Variants in C8orf34 observed in about 807,000 individuals in gnomAD.
The protein encoded by C8orf34 is chromosome 8 open reading frame 34.
A neutral mutation model predicts 68.3 loss-of-function variants in C8orf34; 65 were observed. The observed-to-expected ratio is 0.95, with a 90% CI of 0.78 to 1.17. The LOEUF is 1.17. C8orf34 is among the 50% of genes most tolerant of loss of function. The probability of loss-of-function intolerance (pLI) is 0.00; values close to 1 mark genes in which losing one functional copy is unlikely to be tolerated. For synonymous variants in C8orf34, 244 were observed against 241.2 expected, an observed-to-expected ratio of 1.01 and a Z score of -0.11; for missense variants, 664 against 655.4, an observed-to-expected ratio of 1.01 and a Z score of -0.14.
chr8:68,677,365 T>C (rs945258231), intron 8 of C8orf34, among the ~76,000 whole-genome samples: 1 of 152,094 alleles, frequency 6.6e-6, no homozygotes, highest in Non-Finnish European at 1.5e-5. Flanking sequence ...GCATCTTTTT[T>C]TTTCTTTTTT....
intron 3 of C8orf34, among the ~76,000 whole-genome samples, chr8:68,453,131 T>A (rs77678942): frequency 0.048 from 7,256 of 152,088 alleles, 240 homozygotes; most frequent in African/African-American, 0.084. Flanking sequence ...TATATGTTTA[T>A]CCTTTTGTGA....
intron 10 of C8orf34, among the ~76,000 whole-genome samples, chr8:68,757,120 C>T (rs1308823744): frequency 1.3e-5 from 2 of 152,092 alleles, no homozygotes; most frequent in African/African-American, 4.8e-5. Flanking sequence ...TCTTGCTGTG[C>T]AACTGAGAAA....
At chr8:68,524,342 T>C (rs151125554) in intron 6 of C8orf34, among the ~76,000 whole-genome samples, 363 of 152,262 alleles carry the variant, frequency 2.4e-3, no homozygotes, top group African/African-American at 7.8e-3. Context: ...AAATATGACA[T>C]TGTATGAAGA....
chr8:68,449,704 A>C (rs1811266397), intron 3 of C8orf34, among the ~76,000 whole-genome samples: 1 of 152,140 alleles, frequency 6.6e-6, no homozygotes, highest in Non-Finnish European at 1.5e-5. Context: ...TTTATTGCCA[A>C]AGATTCGAAC....
chr8:68,378,357 C>A (rs1287731927), intron 1 of C8orf34, among the ~76,000 whole-genome samples: 1 of 152,014 alleles, frequency 6.6e-6, no homozygotes, highest in Non-Finnish European at 1.5e-5. Context: ...AGTCTCACTC[C>A]AGATTGGAGT....
At chr8:68,548,964 C>G (rs1356932329) in intron 7 of C8orf34, among the ~76,000 whole-genome samples, 1 of 151,754 alleles carries the variant, frequency 6.6e-6, no homozygotes, top group Non-Finnish European at 1.5e-5. Context: ...GGAGACAGGG[C>G]TTTTAGGAGG....
intron 7 of C8orf34, among the ~76,000 whole-genome samples, chr8:68,550,773 G>GT (rs905138061): frequency 2.8e-4 from 41 of 145,266 alleles, no homozygotes; most frequent in East Asian, 4.0e-4. Context: ...GTGTTTTTGT[G>GT]TTTTTTTTTT....
chr8:68,696,319 T>C (rs1585743369), intron 8 of C8orf34, among the ~76,000 whole-genome samples: 1 of 148,056 alleles, frequency 6.8e-6, no homozygotes, highest in East Asian at 2.0e-4. Flanking sequence ...TATCATACAA[T>C]CAAAACACAT....
At chr8:68,508,235 T>G (rs1814109645) in intron 5 of C8orf34, among the ~76,000 whole-genome samples, 3 of 152,186 alleles carry the variant, frequency 2.0e-5, no homozygotes, top group Admixed American at 2.0e-4. Context: ...TTGCAATACT[T>G]CTCCTTCTTG....
intron 12 of C8orf34, among the ~76,000 whole-genome samples, chr8:68,790,308 G>A (rs1484143815): frequency 5.9e-5 from 9 of 152,138 alleles, no homozygotes; most frequent in African/African-American, 1.7e-4. Flanking sequence ...AGAATTTACA[G>A]GCTCATATCC....
At chr8:68,562,626 A>G (rs968045068) in intron 7 of C8orf34, among the ~76,000 whole-genome samples, 10 of 152,324 alleles carry the variant, frequency 6.6e-5, no homozygotes, top group African/African-American at 2.4e-4. Context: ...ATACATTGTA[A>G]GCAATTTTGT....
intron 10 of C8orf34, among the ~76,000 whole-genome samples, chr8:68,738,104 C>T (rs774474746): frequency 5.3e-5 from 8 of 151,990 alleles, no homozygotes; most frequent in South Asian, 2.1e-4. Flanking sequence ...TCCAGTTTCT[C>T]GGACCATAGC....
intron 2 of C8orf34, among the ~76,000 whole-genome samples, chr8:68,444,770 G>A (rs1811052836): frequency 6.6e-6 from 1 of 152,080 alleles, no homozygotes; most frequent in South Asian, 2.1e-4. Context: ...AATTAATATG[G>A]ATTTTTTCTT....
chr8:68,560,704 C>T (rs111510922), intron 7 of C8orf34, among the ~76,000 whole-genome samples: 82 of 152,146 alleles, frequency 5.4e-4, no homozygotes, highest in Non-Finnish European at 7.9e-4. Context: ...TAGAAAAGTA[C>T]AGTAAAAAAT....
chr8:68,464,121 A>G (rs1428187018), intron 3 of C8orf34, among the ~76,000 whole-genome samples: 1 of 152,224 alleles, frequency 6.6e-6, no homozygotes, highest in African/African-American at 2.4e-5. Flanking sequence ...AATGTACAAA[A>G]ATCACAAGCA....
intron 8 of C8orf34, among the ~76,000 whole-genome samples, chr8:68,681,504 A>G (rs1029571701): frequency 3.3e-5 from 5 of 152,180 alleles, no homozygotes; most frequent in Non-Finnish European, 7.3e-5. Context: ...TCCCAAAGAT[A>G]CCAGCAACAG....
At chr8:68,331,455 C>T (rs1311104397) in intron 1 of C8orf34, 116 bp downstream of exon 1, 1 of 1,190,260 alleles carries the variant, frequency 8.4e-7, no homozygotes, top group South Asian at 1.3e-5. Context: ...AGAACCAACG[C>T]GCGGGAGAGG....
In C8orf34 at chr8:68,525,475, T is replaced by G. The variant is rs1049092326; in HGVS notation, c.938+3504T>G. 5.0e-5 allele frequency: 30 copies of G among 597,502 alleles called. No individual in the cohort carries two copies. The African/African-American group carries it at 5.4e-4, about 11-fold the overall frequency. 37.0% of individuals were successfully genotyped at this position (597,502 alleles called of 1,614,324 possible). On this transcript the variant is annotated intron_variant, in intron 6 of 13. Transcript: ENST00000518698. ...CAATCCAAAACAAATTTCTTTTTGG[T>G]TTCCCTCTGAGGCATTTTATTTGTA...
In C8orf34 at chr8:68,354,829, G is replaced by A. The variant is rs569165508; in HGVS notation, c.327+23490G>A. ...GGGTGGAAAACAGGTGTTTTGCTTCGTGCTTCATTGTGCATCTGTGCAATA... is the reference window on the plus strand; with the variant it reads ...GGGTGGAAAACAGGTGTTTTGCTTCATGCTTCATTGTGCATCTGTGCAATA... On this transcript the variant is annotated intron_variant, in intron 1 of 13. Coordinates refer to ENST00000518698, the MANE Select transcript of C8orf34 (RefSeq NM_052958.4). 4.5e-4 allele frequency among the ~76,000 whole-genome samples: 68 copies of A among 152,152 alleles called. No homozygotes were observed. In the South Asian group the frequency reaches 5.0e-3, roughly 11 times the overall value.
Sources: allele counts gnomAD v4.1 joint callset (sites outside exome capture counted in the v4.1 genomes callset), GRCh38; gene constraint gnomAD v4.1.1; transcripts MANE v1.5; gene names NCBI Gene and HGNC (gene_info 2026-07-23, HGNC 2026-07-21).